EFNA5: variants seen among roughly 807,000 people sequenced by gnomAD.
EFNA5 encodes the protein ephrin A5.
EFNA5 carries 5 observed loss-of-function variants against 22.9 expected under a neutral mutation model. That is an observed-to-expected ratio of 0.22 (90% CI 0.11 to 0.46). The LOEUF (loss-of-function observed/expected upper bound fraction) is 0.46. Among genes scored for constraint, EFNA5 ranks in the 20% least tolerant of loss-of-function variants. EFNA5 has a pLI of 0.99. For missense variants in EFNA5, 237 were observed against 293.3 expected, an observed-to-expected ratio of 0.81 and a Z score of 1.40; for synonymous variants, 113 against 112.2, an observed-to-expected ratio of 1.01 and a Z score of -0.04.
chr5:107,593,509 T>A (rs568635983), intron 1 of EFNA5, among the ~76,000 whole-genome samples: 5 of 152,140 alleles, frequency 3.3e-5, no homozygotes, highest in African/African-American at 1.2e-4. Flanking sequence ...GTCAGAGATG[T>A]TCAAACCTCG....
intron 1 of EFNA5, among the ~76,000 whole-genome samples, chr5:107,625,524 A>G (rs1281179343): frequency 6.6e-6 from 1 of 152,142 alleles, no homozygotes; most frequent in African/African-American, 2.4e-5. Context: ...TTCACATCTA[A>G]AATTATTACT....
At chr5:107,528,832 T>C (rs1747751971) in intron 1 of EFNA5, among the ~76,000 whole-genome samples, 1 of 152,220 alleles carries the variant, frequency 6.6e-6, no homozygotes, top group Non-Finnish European at 1.5e-5. Flanking sequence ...CTGATAGGTA[T>C]ATAGATAATA....
At chr5:107,386,893 A>G (rs1040336267) in intron 4 of EFNA5, among the ~76,000 whole-genome samples, 4 of 152,226 alleles carry the variant, frequency 2.6e-5, no homozygotes, top group African/African-American at 9.6e-5. Context: ...TGTGTCTTAC[A>G]TGAAAACAGA....
At chr5:107,534,625 T>C (rs1465920627) in intron 1 of EFNA5, among the ~76,000 whole-genome samples, 2 of 152,214 alleles carry the variant, frequency 1.3e-5, no homozygotes, top group Admixed American at 6.5e-5. Context: ...ATGTCTGCTT[T>C]GTGATATGTT....
intron 1 of EFNA5, among the ~76,000 whole-genome samples, chr5:107,458,360 G>C (rs556368352): frequency 6.6e-6 from 1 of 152,074 alleles, no homozygotes; most frequent in African/African-American, 2.4e-5. Context: ...CTGGTCAGGG[G>C]GACAGACCCA....
intron 1 of EFNA5, among the ~76,000 whole-genome samples, chr5:107,571,000 G>A (rs939679652): frequency 4.6e-5 from 7 of 152,148 alleles, no homozygotes; most frequent in African/African-American, 1.7e-4. Flanking sequence ...CTCCCTGGGG[G>A]GTACCTGTTG....
rs184047670 is a variant in EFNA5, at chr5:107,381,400, T to G, written c.566-24A>C. The G allele has an allele frequency of 1.3e-3, 2,114 of 1,590,318 alleles. 44 individuals carry two copies. The highest frequency in any genetic ancestry group is 1.4e-4 in the Non-Finnish European group (164 of 1,161,728). On this transcript the variant is annotated intron_variant, in intron 4 of 4. Coordinates refer to ENST00000333274, the MANE Select transcript of EFNA5 (RefSeq NM_001962.3). The stretch of plus-strand genomic sequence containing the variant: ...ATCTGTTCAAATAGAAAGCACACAT[T>G]CCAATGAGATTTCACATCCTTAATA...
intron 1 of EFNA5, among the ~76,000 whole-genome samples, chr5:107,586,612 A>T (rs9328007): frequency 0.028 from 4,188 of 152,260 alleles, 180 homozygotes; most frequent in African/African-American, 0.087. Flanking sequence ...ATTATCTATT[A>T]ATGCGTACAT....
At chr5:107,501,010 T>G (rs2112425305) in intron 1 of EFNA5, among the ~76,000 whole-genome samples, 1 of 152,324 alleles carries the variant, frequency 6.6e-6, no homozygotes, top group Non-Finnish European at 1.5e-5. Flanking sequence ...ACTCTTACTA[T>G]TTATTCATAC....
intron 1 of EFNA5, among the ~76,000 whole-genome samples, chr5:107,469,120 G>C (rs986731824): frequency 2.0e-5 from 3 of 152,130 alleles, no homozygotes; most frequent in African/African-American, 7.2e-5. Flanking sequence ...ACATTATTAA[G>C]AATTTCAAGA....
At chr5:107,599,192 A>G (rs927958068) in intron 1 of EFNA5, among the ~76,000 whole-genome samples, 1 of 152,236 alleles carries the variant, frequency 6.6e-6, no homozygotes, top group African/African-American at 2.4e-5. Context: ...TTTATACAGC[A>G]AAATACTGCA....
At chr5:107,609,092 A>C (rs1220198439) in intron 1 of EFNA5, among the ~76,000 whole-genome samples, 1 of 152,210 alleles carries the variant, frequency 6.6e-6, no homozygotes, top group South Asian at 2.1e-4. Context: ...ATAATTTATA[A>C]AAGAAAAAAT....
chr5:107,477,480 C>G (rs540814769), intron 1 of EFNA5, among the ~76,000 whole-genome samples: 3 of 152,184 alleles, frequency 2.0e-5, no homozygotes, highest in Non-Finnish European at 2.9e-5. Flanking sequence ...GGTATTACTG[C>G]TCTAGAAAAT....
intron 1 of EFNA5, among the ~76,000 whole-genome samples, chr5:107,610,941 G>A (rs1749810719): frequency 6.6e-6 from 1 of 152,144 alleles, no homozygotes; most frequent in South Asian, 2.1e-4. Flanking sequence ...TTCCCGCTGA[G>A]CCTCGCGTGC....
intron 1 of EFNA5, among the ~76,000 whole-genome samples, chr5:107,541,842 G>A (rs879447665): frequency 2.6e-5 from 4 of 152,184 alleles, no homozygotes; most frequent in African/African-American, 4.8e-5. Context: ...AAATAGGCCA[G>A]CCACCATTTT....
chr5:107,545,484 A>G (rs1748127848), intron 1 of EFNA5, among the ~76,000 whole-genome samples: 1 of 152,200 alleles, frequency 6.6e-6, no homozygotes, highest in African/African-American at 2.4e-5. Flanking sequence ...GTGAGCCCTA[A>G]CCCTGTTTCA....
chr5:107,431,518 T>C lies in EFNA5; in HGVS notation c.126-4009A>G, dbSNP rs569169899. Among the ~76,000 whole-genome samples the C allele has an allele frequency of 3.3e-4, 51 of 152,286 alleles. No homozygotes were observed. The South Asian group carries it at 9.5e-3, about 28-fold the overall frequency. On this transcript the variant is annotated intron_variant, in intron 1 of 4. Transcript: ENST00000333274. ...GCCACGGAATAGCCACTATTATTAC[T>C]ACACCCATTTAAAGATGAGGAAATT...
At chr5:107,525,605 A>C (rs1392319539) in intron 1 of EFNA5, among the ~76,000 whole-genome samples, 1 of 152,190 alleles carries the variant, frequency 6.6e-6, no homozygotes, top group Non-Finnish European at 1.5e-5. Flanking sequence ...GGAAAACATT[A>C]TTAGGAAAAT....
chr5:107,659,046 A>G (rs1200537909), intron 1 of EFNA5, among the ~76,000 whole-genome samples: 1 of 152,184 alleles, frequency 6.6e-6, no homozygotes, highest in Non-Finnish European at 1.5e-5. Flanking sequence ...ATATGTATAA[A>G]ATTATTATAT....
Sources: allele counts gnomAD v4.1 joint callset (sites outside exome capture counted in the v4.1 genomes callset), GRCh38; gene constraint gnomAD v4.1.1; transcripts MANE v1.5; gene names NCBI Gene and HGNC (gene_info 2026-07-23, HGNC 2026-07-21).